Variants in NRXN1 observed in about 807,000 individuals in gnomAD.
NRXN1 encodes neurexin-1.
A neutral mutation model predicts 150.9 loss-of-function variants in NRXN1; 39 were observed. The ratio of observed to expected loss-of-function variants is 0.26; its 90% CI spans 0.20 to 0.34. The LOEUF (loss-of-function observed/expected upper bound fraction) is 0.34. NRXN1 is among the 10% of genes least tolerant of loss of function. The probability of loss-of-function intolerance (pLI) is 1.00; values close to 1 mark genes in which losing one functional copy is unlikely to be tolerated. For synonymous variants in NRXN1, 924 were observed against 757.0 expected, an observed-to-expected ratio of 1.22 and a Z score of -3.62; for missense variants, 1,815 against 1,949.9, an observed-to-expected ratio of 0.93 and a Z score of 1.30.
Position 50,063,587 on chromosome 2 carries a change from C to CA in NRXN1, c.3719-8544dup, listed in dbSNP as rs1224586875. 2.7e-5 allele frequency among the ~76,000 whole-genome samples: 4 copies of CA among 150,652 alleles called. No individual in the cohort carries two copies. The Admixed American group carries it at 2.7e-4, about 10-fold the overall frequency. ...ACACACACACACACACACACACACACATCTAAGGCTGGCTAAATTTTTTCT... is the reference window on the plus strand; with the variant it reads ...ACACACACACACACACACACACACACAATCTAAGGCTGGCTAAATTTTTTCT... On this transcript the variant is annotated intron_variant, in intron 19 of 22. Coordinates refer to ENST00000401669, the MANE Select transcript of NRXN1 (RefSeq NM_001330078.2).
rs796141394 is a variant in NRXN1, at chr2:50,570,550, C to G, written c.1321-17525G>C. 3.6e-4 allele frequency among the ~76,000 whole-genome samples: 55 copies of G among 152,188 alleles called. 1 individual carries two copies. The highest frequency in any genetic ancestry group is 1.3e-3 in the African/African-American group (54 of 41,528). ...ACTAGATGACTTATTCAAGTTAGCA[C>G]TTTGTGTGAATCTTTGCTTTGCTGT... On this transcript the variant is annotated intron_variant, in intron 8 of 22. Coordinates refer to ENST00000401669, the MANE Select transcript of NRXN1 (RefSeq NM_001330078.2).
intron 5 of NRXN1, among the ~76,000 whole-genome samples, chr2:50,914,455 T>C (rs1456867421): frequency 6.6e-6 from 1 of 151,708 alleles, no homozygotes; most frequent in Non-Finnish European, 1.5e-5. Context: ...CTGTTACTTG[T>C]ATAGACACAG....
chr2:50,828,084 C>T (rs1312656729), intron 5 of NRXN1, among the ~76,000 whole-genome samples: 1 of 151,438 alleles, frequency 6.6e-6, no homozygotes, highest in African/African-American at 2.4e-5. Context: ...ACAAAACCGC[C>T]ATTGTCATCA....
intron 21 of NRXN1, 21 bp from the exon 22 acceptor site, chr2:49,943,812 G>A: frequency 6.4e-7 from 1 of 1,558,010 alleles, no homozygotes; most frequent in South Asian, 1.1e-5. Flanking sequence ...ATCACATTCA[G>A]TAGATTAATT....
intron 9 of NRXN1, among the ~76,000 whole-genome samples, chr2:50,551,050 G>GGAAGAAGAAGAAGAAGAAGAAGAAGAA (rs1204760729): frequency 1.6e-4 from 13 of 79,012 alleles, no homozygotes; most frequent in African/African-American, 8.8e-4. Flanking sequence ...AAGAGGAAGA[G>GGAAGAAGAAGAAGAAGAAGAAGAAGAA]GAAGAAGAAG....
intron 18 of NRXN1, among the ~76,000 whole-genome samples, chr2:50,212,299 C>CAAAAA (rs10668763): frequency 2.8e-5 from 3 of 108,346 alleles, no homozygotes; most frequent in African/African-American, 6.5e-5. Context: ...TTTGAATTTG[C>CAAAAA]AAAAAAAAAA....
intron 17 of NRXN1, among the ~76,000 whole-genome samples, chr2:50,418,370 C>T (rs1406357461): frequency 6.6e-6 from 1 of 152,060 alleles, no homozygotes; most frequent in Non-Finnish European, 1.5e-5. Context: ...ACCCTCCTTG[C>T]AGCCTCCCCC....
At position 50,531,434 on chromosome 2, in the gene NRXN1, G is replaced by C. The variant is rs1340313788; in HGVS notation, c.2144-4C>G. ...TCATAGCTCAAAACCGTTGCCTCTA[G>C]AGATGGAAAATGAATATGATAAGTT... On this transcript the variant is annotated splice_region_variant and splice_polypyrimidine_tract_variant and intron_variant, in intron 10 of 22. Transcript: ENST00000401669. 3 of 1,606,496 alleles carry C rather than the reference G, an allele frequency of 1.9e-6. No individual in the cohort carries two copies. Among genetic ancestry groups the C allele is most frequent in the African/African-American group, 2.7e-5 (2 of 74,926 alleles).
chr2:50,136,863 T>A (rs1471871301), intron 18 of NRXN1, among the ~76,000 whole-genome samples: 1 of 152,120 alleles, frequency 6.6e-6, no homozygotes, highest in Non-Finnish European at 1.5e-5. Context: ...TTTGTACACA[T>A]CTAGGAATGG....
At chr2:50,907,102 C>A (rs537272221) in intron 5 of NRXN1, among the ~76,000 whole-genome samples, 113 of 151,878 alleles carry the variant, frequency 7.4e-4, no homozygotes, top group Non-Finnish European at 1.3e-3. Context: ...TCACTCTCTC[C>A]CTTTTCCCTT....
intron 18 of NRXN1, among the ~76,000 whole-genome samples, chr2:50,182,373 G>T (rs952652029): frequency 1.3e-5 from 2 of 152,012 alleles, no homozygotes; most frequent in South Asian, 4.1e-4. Flanking sequence ...TCCTAGATTA[G>T]TGTCTGCGGG....
At chr2:50,205,397 GA>G (rs1031390892) in intron 18 of NRXN1, among the ~76,000 whole-genome samples, 71 of 151,852 alleles carry the variant, frequency 4.7e-4, no homozygotes, top group Non-Finnish European at 5.2e-4. Flanking sequence ...TTGCATCTGA[GA>G]AAAAAATACT....
chr2:50,759,510 T>C (rs1701547365), intron 5 of NRXN1, among the ~76,000 whole-genome samples: 1 of 151,878 alleles, frequency 6.6e-6, no homozygotes, highest in African/African-American at 2.4e-5. Flanking sequence ...TCTCAACTCT[T>C]AGATCTAAAA....
chr2:50,901,651 A>G (rs187788433), intron 5 of NRXN1, among the ~76,000 whole-genome samples: 46 of 152,308 alleles, frequency 3.0e-4, no homozygotes, highest in Admixed American at 2.0e-3. Context: ...AAAGGATCTC[A>G]AATAAATCTT....
In NRXN1 at chr2:49,994,177, T is replaced by C. The variant is rs1170876851; in HGVS notation, c.4129-50386A>G. On this transcript the variant is annotated intron_variant, in intron 21 of 22. Coordinates refer to ENST00000401669, the MANE Select transcript of NRXN1 (RefSeq NM_001330078.2). ...CCTTAATGCCTATGAAGACTCATAA[T>C]TGGAACCCAAACTTGCTCTTCAATG... Among the ~76,000 whole-genome samples the C allele has an allele frequency of 5.9e-5, 9 of 152,280 alleles. No homozygotes were observed. In the East Asian group the frequency reaches 1.4e-3, roughly 23 times the overall value.
intron 17 of NRXN1, among the ~76,000 whole-genome samples, chr2:50,284,421 C>T (rs1161238341): frequency 6.6e-6 from 1 of 152,146 alleles, no homozygotes; most frequent in East Asian, 1.9e-4. Flanking sequence ...CATTATGTGA[C>T]ATCACAGCAT....
chr2:50,683,460 G>A (rs575224970), intron 5 of NRXN1, among the ~76,000 whole-genome samples: 9 of 148,274 alleles, frequency 6.1e-5, no homozygotes, highest in East Asian at 4.1e-4. Flanking sequence ...GTCAAACCCC[G>A]TCTCTACTAA....
At chr2:50,366,150 C>CA (rs2079563332) in intron 17 of NRXN1, among the ~76,000 whole-genome samples, 2 of 120,850 alleles carry the variant, frequency 1.7e-5, no homozygotes, top group South Asian at 5.5e-4. Context: ...CTCGGCTGGA[C>CA]ACTTTTTTTT....
chr2:50,241,055 C>T (rs944413830), intron 17 of NRXN1, among the ~76,000 whole-genome samples: 7 of 151,434 alleles, frequency 4.6e-5, no homozygotes, highest in African/African-American at 1.7e-4. Context: ...TTTTGTAGCA[C>T]AGATTAGGAC....
Sources: allele counts gnomAD v4.1 joint callset (sites outside exome capture counted in the v4.1 genomes callset), GRCh38; gene constraint gnomAD v4.1.1; transcripts MANE v1.5; gene names NCBI Gene and HGNC (gene_info 2026-07-23, HGNC 2026-07-21).